STK38L: variants seen among roughly 807,000 people sequenced by gnomAD.
The protein encoded by STK38L is serine/threonine-protein kinase 38-like.
STK38L carries 28 observed loss-of-function variants against 59.7 expected under a neutral mutation model. The observed-to-expected ratio is 0.47, with a 90% CI of 0.35 to 0.64. The LOEUF (loss-of-function observed/expected upper bound fraction) is 0.64, where lower values mean the gene tolerates loss of function less well. Among genes scored for constraint, STK38L ranks in the 30% least tolerant of loss-of-function variants. The probability of loss-of-function intolerance (pLI) is 0.01; values close to 1 mark genes in which losing one functional copy is unlikely to be tolerated. For synonymous variants in STK38L, 162 were observed against 176.8 expected, an observed-to-expected ratio of 0.92 and a Z score of 0.66; for missense variants, 314 against 555.8, an observed-to-expected ratio of 0.56 and a Z score of 4.37.
intron 1 of STK38L, among the ~76,000 whole-genome samples, chr12:27,272,745 C>A (rs747518432): frequency 6.6e-6 from 1 of 151,958 alleles, no homozygotes; most frequent in Non-Finnish European, 1.5e-5. Flanking sequence ...CTTTCAAAAC[C>A]TCTTTCCCCC....
chr12:27,271,048 C>T (rs182421123), intron 1 of STK38L, among the ~76,000 whole-genome samples: 244 of 152,130 alleles, frequency 1.6e-3, no homozygotes, highest in Non-Finnish European at 3.1e-3. Context: ...TCAAATTGAC[C>T]CTTATCATGA....
chr12:27,318,492 C>T (rs980611571), intron 11 of STK38L, among the ~76,000 whole-genome samples: 1 of 152,096 alleles, frequency 6.6e-6, no homozygotes, highest in Non-Finnish European at 1.5e-5. Flanking sequence ...TTTTTAAAAT[C>T]CCTAAACTAT....
At chr12:27,286,062 A>G (rs1012587249) in intron 1 of STK38L, among the ~76,000 whole-genome samples, 6 of 152,166 alleles carry the variant, frequency 3.9e-5, no homozygotes, top group Admixed American at 2.0e-4. Flanking sequence ...AACTTCTTCA[A>G]AATTTCCTTT....
intron 2 of STK38L, 67 bp downstream of exon 2, chr12:27,297,921 A>G (rs1944066028): frequency 4.5e-6 from 7 of 1,568,818 alleles, no homozygotes; most frequent in Non-Finnish European, 6.1e-6. Context: ...TGGAATAGAA[A>G]CTTGTTTACC....
chr12:27,250,582 C>A (rs976372273), intron 1 of STK38L, among the ~76,000 whole-genome samples: 1 of 152,170 alleles, frequency 6.6e-6, no homozygotes, highest in Non-Finnish European at 1.5e-5. Context: ...TATATTATCT[C>A]ATTTAATCCT....
intron 1 of STK38L, among the ~76,000 whole-genome samples, chr12:27,288,193 A>G (rs143027627): frequency 1.3e-5 from 2 of 152,222 alleles, no homozygotes; most frequent in Non-Finnish European, 2.9e-5. Context: ...TTATTCTTAC[A>G]TATTTTATGA....
intron 1 of STK38L, among the ~76,000 whole-genome samples, chr12:27,295,563 A>G (rs2346347): frequency 0.4 from 60,032 of 151,270 alleles, 12,163 homozygotes; most frequent in Admixed American, 0.48. Flanking sequence ...CCCCCCAATC[A>G]ATAGGTTGTC....
At chr12:27,284,361 G>T (rs971893670) in intron 1 of STK38L, among the ~76,000 whole-genome samples, 6 of 152,078 alleles carry the variant, frequency 3.9e-5, no homozygotes, top group Admixed American at 6.6e-5. Context: ...ATGTCTTTGG[G>T]CCTCACTTCC....
chr12:27,315,422 T>G (rs1944562534), intron 9 of STK38L, 72 bp downstream of exon 9: 2 of 1,219,436 alleles, frequency 1.6e-6, no homozygotes, highest in South Asian at 2.7e-5. Context: ...ACTTGATTAT[T>G]TTTATCTTTA....
chr12:27,260,450 C>T (rs1233992758), intron 1 of STK38L, among the ~76,000 whole-genome samples: 1 of 152,134 alleles, frequency 6.6e-6, no homozygotes, highest in Non-Finnish European at 1.5e-5. Context: ...TTCTCATGGG[C>T]ATAATTCAGG....
At chr12:27,291,478 A>G (rs1024785850) in intron 1 of STK38L, among the ~76,000 whole-genome samples, 4 of 152,188 alleles carry the variant, frequency 2.6e-5, no homozygotes, top group Non-Finnish European at 5.9e-5. Flanking sequence ...CCATAAGATC[A>G]TGAACTCCCT....
intron 1 of STK38L, among the ~76,000 whole-genome samples, chr12:27,274,658 G>A (rs763116268): frequency 9.2e-5 from 14 of 152,138 alleles, no homozygotes; most frequent in African/African-American, 1.4e-4. Context: ...CACATAAGCC[G>A]TTCATGATGA....
intron 1 of STK38L, among the ~76,000 whole-genome samples, chr12:27,260,193 A>G (rs1943176351): frequency 6.6e-6 from 1 of 152,074 alleles, no homozygotes; most frequent in Non-Finnish European, 1.5e-5. Flanking sequence ...TATAACTAGG[A>G]ATTATTCTAA....
chr12:27,322,610 C>A lies in STK38L; in HGVS notation c.*155C>A. 1.9e-6 allele frequency: 2 copies of A among 1,047,992 alleles called. No homozygotes were observed. Among genetic ancestry groups the A allele is most frequent in the Non-Finnish European group, 2.6e-6 (2 of 777,750 alleles). 64.9% of individuals were successfully genotyped at this position (1,047,992 alleles called of 1,614,324 possible). On this transcript the variant is annotated 3_prime_UTR_variant, in exon 14 of 14. Transcript: ENST00000389032. The stretch of plus-strand genomic sequence containing the variant: ...TACAGGATTAGGATTTCTAAGACTA[C>A]TATAGGAATTGGTTGGCAGTGCCAG...
In STK38L at chr12:27,308,437, T is replaced by C; in HGVS notation, c.285T>C (p.Val95=). The part of the protein sequence containing the change: ...LGLDDFESLK[V]IGRGAFGEVR... ...TGGATGACTTTGAGTCTCTGAAAGT[T>C]ATAGGAAGAGGAGCTTTTGGAGAGG... The change falls in exon 4 of 14, where the codon GTT becomes GTC. Residue 95 remains valine, a synonymous_variant. Coordinates refer to ENST00000389032, the MANE Select transcript of STK38L (RefSeq NM_015000.4). This position sits in a 1 kb window ranked among gnomAD's most constrained non-coding sequence, Gnocchi z 4.5. 1 of 1,594,196 alleles carries C rather than the reference T, an allele frequency of 6.3e-7. No individual in the cohort carries two copies. The highest frequency in any genetic ancestry group is 8.6e-7 in the Non-Finnish European group (1 of 1,169,140).
chr12:27,245,678 C>T (rs777247550), intron 1 of STK38L: 2 of 151,938 alleles, frequency 1.3e-5, no homozygotes, highest in Non-Finnish European at 2.9e-5. Flanking sequence ...ATTAGCCACC[C>T]TTGTGACTAT....
intron 9 of STK38L, 152 bp downstream of exon 9, chr12:27,315,502 CTGT>C: frequency 1.5e-6 from 1 of 673,002 alleles, no homozygotes; most frequent in East Asian, 2.9e-5. Context: ...CTTAGTTTCT[CTGT>C]TAAGTTTCCT....
chr12:27,281,468 A>T (rs1251337677), intron 1 of STK38L, among the ~76,000 whole-genome samples: 1 of 152,216 alleles, frequency 6.6e-6, no homozygotes, highest in South Asian at 2.1e-4. Context: ...AACAGGGTTC[A>T]CATCCCTGCT....
chr12:27,276,087 TA>T (rs1294800314), intron 1 of STK38L, among the ~76,000 whole-genome samples: 3 of 152,062 alleles, frequency 2.0e-5, no homozygotes, highest in Non-Finnish European at 4.4e-5. Flanking sequence ...AGATTTTTTT[TA>T]AAAAAACTTC....
Sources: allele counts gnomAD v4.1 joint callset (sites outside exome capture counted in the v4.1 genomes callset), GRCh38; gene constraint gnomAD v4.1.1; non-coding constraint Gnocchi (gnomAD v3.1); transcripts MANE v1.5; gene names NCBI Gene and HGNC (gene_info 2026-07-23, HGNC 2026-07-21).